ATP8A2: variants seen among roughly 807,000 people sequenced by gnomAD.
ATP8A2 encodes phospholipid-transporting ATPase IB.
In ATP8A2, 100 loss-of-function variants were observed where a neutral mutation model predicts 165.6. The ratio of observed to expected loss-of-function variants is 0.60; its 90% CI spans 0.51 to 0.71. The LOEUF (loss-of-function observed/expected upper bound fraction) is 0.71, where lower values mean the gene tolerates loss of function less well. Ranked by LOEUF, ATP8A2 falls within the 30% of genes least tolerant of loss-of-function variation. ATP8A2 has a pLI of 0.00. For synonymous variants in ATP8A2, 543 were observed against 548.8 expected (o/e 0.99, Z 0.15); for missense variants, 1,227 against 1,479.5 (o/e 0.83, Z 2.80).
At chr13:25,650,103 A>G (rs1018109678) in intron 24 of ATP8A2, among the ~76,000 whole-genome samples, 6 of 152,180 alleles carry the variant, frequency 3.9e-5, no homozygotes, top group Non-Finnish European at 8.8e-5. Context: ...GTTTTTGGGA[A>G]ATCCCGTCTG....
At chr13:25,601,639 C>A (rs991452068) in intron 24 of ATP8A2, among the ~76,000 whole-genome samples, 1 of 152,134 alleles carries the variant, frequency 6.6e-6, no homozygotes, top group African/African-American at 2.4e-5. Context: ...CCAGGCCCGG[C>A]TAATTTTTGT....
At chr13:25,838,613 A>G (rs994439349) in intron 29 of ATP8A2, among the ~76,000 whole-genome samples, 3 of 151,794 alleles carry the variant, frequency 2.0e-5, no homozygotes, top group Non-Finnish European at 4.4e-5. Flanking sequence ...CAAAATGAAC[A>G]TTTAAAGCAG....
At chr13:25,380,993 A>G (rs1278549796) in intron 1 of ATP8A2, among the ~76,000 whole-genome samples, 1 of 152,158 alleles carries the variant, frequency 6.6e-6, no homozygotes, top group African/African-American at 2.4e-5. Flanking sequence ...ACTCTAAGAT[A>G]TCCACCTTCA....
At chr13:25,714,795 A>C (rs866401141) in intron 25 of ATP8A2, among the ~76,000 whole-genome samples, 1 of 152,188 alleles carries the variant, frequency 6.6e-6, no homozygotes, top group Non-Finnish European at 1.5e-5. Flanking sequence ...TATTTGTCCA[A>C]TGCAGGGCAC....
At chr13:25,708,000 G>C (rs34763585) in intron 25 of ATP8A2, among the ~76,000 whole-genome samples, 42,749 of 152,106 alleles carry the variant, frequency 0.28, 7,733 homozygotes, top group Middle Eastern at 0.4. Context: ...CACCAGAAGA[G>C]CTCACAGACA....
chr13:25,404,484 C>T (rs2033735399), intron 1 of ATP8A2, among the ~76,000 whole-genome samples: 1 of 151,940 alleles, frequency 6.6e-6, no homozygotes, highest in Non-Finnish European at 1.5e-5. Context: ...TGGAGAGTGG[C>T]TTGGAGAGTG....
chr13:25,437,255 AG>A (rs2034806764), intron 1 of ATP8A2, among the ~76,000 whole-genome samples: 1 of 152,064 alleles, frequency 6.6e-6, no homozygotes, highest in African/African-American at 2.4e-5. Flanking sequence ...CTTTTTAATG[AG>A]GTTATTTGGA....
intron 2 of ATP8A2, among the ~76,000 whole-genome samples, chr13:25,485,282 G>T (rs775509610): frequency 6.6e-6 from 1 of 152,224 alleles, no homozygotes; most frequent in Non-Finnish European, 1.5e-5. Context: ...GTACAGGATA[G>T]TGCGTGTGTG....
chr13:25,927,017 CCTT>C (rs1954626272), intron 33 of ATP8A2: 7 of 410,746 alleles, frequency 1.7e-5, no homozygotes, highest in South Asian at 1.2e-4. Context: ...GCCTCCCGCT[CCTT>C]CTCCTTGCCA....
chr13:25,937,015 T>C (rs914720626), intron 33 of ATP8A2, among the ~76,000 whole-genome samples: 1 of 152,186 alleles, frequency 6.6e-6, no homozygotes, highest in African/African-American at 2.4e-5. Context: ...TCTGTAGACT[T>C]AGTGAACCTA....
intron 2 of ATP8A2, among the ~76,000 whole-genome samples, chr13:25,504,746 C>CA (rs34066777): frequency 0.18 from 15,480 of 84,620 alleles, 1,717 homozygotes; most frequent in Non-Finnish European, 0.21. Context: ...GACTCCGTCT[C>CA]AAAAAAAAAA....
chr13:25,559,015 A>G lies in ATP8A2; in HGVS notation c.1306A>G (p.Asn436Asp). The G allele has an allele frequency of 1.2e-6, 2 of 1,613,056 alleles. No homozygotes were observed. The highest frequency in any genetic ancestry group is 1.1e-5 in the South Asian group (1 of 90,820). ...FSDKTGTLTCNIMNFKKCSIA... is the reference protein window; with the variant it reads ...FSDKTGTLTCDIMNFKKCSIA... ...TGACAAGACTGGAACGCTTACATGCAATATCATGAACTTTAAGAAGTGCAG... is the reference window on the plus strand; with the variant it reads ...TGACAAGACTGGAACGCTTACATGCGATATCATGAACTTTAAGAAGTGCAG... Residue 436 changes from asparagine (N) to aspartate (D), a missense_variant, in exon 14 of 37, where the codon AAT becomes GAT. Physicochemically the swap from Asn to Asp is conservative, Grantham distance 23 (BLOSUM62 1). Transcript: ENST00000381655.
intron 2 of ATP8A2, among the ~76,000 whole-genome samples, chr13:25,519,118 C>T (rs1040496427): frequency 2.6e-5 from 4 of 152,172 alleles, no homozygotes; most frequent in African/African-American, 9.7e-5. Context: ...CGGGAGCTCT[C>T]CCACCTTGGC....
chr13:25,680,623 A>T (rs2042465791), intron 24 of ATP8A2, among the ~76,000 whole-genome samples: 1 of 152,182 alleles, frequency 6.6e-6, no homozygotes, highest in African/African-American at 2.4e-5. Context: ...TTGGAGAACA[A>T]CATGGAGAGA....
intron 34 of ATP8A2, among the ~76,000 whole-genome samples, chr13:25,962,900 T>C (rs896868310): frequency 2.0e-5 from 3 of 152,182 alleles, no homozygotes; most frequent in African/African-American, 7.2e-5. Context: ...AACATGGATT[T>C]TCTTTTTTTT....
intron 1 of ATP8A2, among the ~76,000 whole-genome samples, chr13:25,431,470 A>G (rs1314023287): frequency 6.6e-6 from 1 of 151,714 alleles, no homozygotes; most frequent in Non-Finnish European, 1.5e-5. Context: ...ATTTTAATTG[A>G]TGAATTCTAA....
intron 35 of ATP8A2, among the ~76,000 whole-genome samples, chr13:26,004,541 T>G (rs1006225634): frequency 2.0e-5 from 3 of 152,112 alleles, no homozygotes; most frequent in Admixed American, 6.5e-5. Context: ...CTTTCAGTTC[T>G]ATGTTGAAAA....
At chr13:25,620,258 C>G (rs1383720763) in intron 24 of ATP8A2, among the ~76,000 whole-genome samples, 1 of 152,116 alleles carries the variant, frequency 6.6e-6, no homozygotes, top group African/African-American at 2.4e-5. Context: ...ATTGCTTCCT[C>G]AGAGAGAGAG....
chr13:25,762,523 A>G (rs982199583), intron 25 of ATP8A2, among the ~76,000 whole-genome samples: 2 of 152,150 alleles, frequency 1.3e-5, no homozygotes, highest in Admixed American at 1.3e-4. Flanking sequence ...GGCTTTCAGA[A>G]TTGCACACTA....
Sources: gnomAD v4.1 joint callset for allele counts (sites outside exome capture counted in the v4.1 genomes callset) on GRCh38, gnomAD v4.1.1 for gene constraint, MANE v1.5 for transcripts, NCBI Gene and HGNC (gene_info 2026-07-23, HGNC 2026-07-21) for gene names.